The following HYCC1 variants were observed in gnomAD, a reference collection of about 807,000 sequenced individuals.
The protein encoded by HYCC1 is hyccin.
the HYCC1 span, among the ~76,000 whole-genome samples, chr7:23,000,016 C>A: frequency 6.6e-6 from 1 of 151,904 alleles, no homozygotes; most frequent in South Asian, 2.1e-4. Flanking sequence ...AAAAATTCCA[C>A]CAAGAAAGAA....
chr7:22,957,572 T>C, the HYCC1 span, among the ~76,000 whole-genome samples: 1 of 151,998 alleles, frequency 6.6e-6, no homozygotes, highest in African/African-American at 2.4e-5. Context: ...TTAAAGTTCA[T>C]GGTTCTCGTC....
At chr7:23,014,096 C>T in the HYCC1 span, 1 of 470,252 alleles carries the variant, frequency 2.1e-6, no homozygotes, top group Non-Finnish European at 4.4e-6. Context: ...ACTGACAACC[C>T]AGCCGGGAGA....
the HYCC1 span, among the ~76,000 whole-genome samples, chr7:22,927,887 G>C: frequency 3.3e-4 from 50 of 152,230 alleles, no homozygotes; most frequent in South Asian, 0.01. Flanking sequence ...AACCAAAAAA[G>C]AGAATTTTAG....
chr7:22,974,461 A>C, the HYCC1 span, among the ~76,000 whole-genome samples: 2 of 152,192 alleles, frequency 1.3e-5, no homozygotes, highest in South Asian at 4.1e-4. Context: ...AAAGCAAAAA[A>C]CATCTTAGAA....
chr7:22,899,717 A>G, the HYCC1 span, among the ~76,000 whole-genome samples: 1 of 152,250 alleles, frequency 6.6e-6, no homozygotes, highest in Non-Finnish European at 1.5e-5. Flanking sequence ...AAAATGTGTT[A>G]AGTCAAAGAT....
chr7:23,010,740 C>T, the HYCC1 span, among the ~76,000 whole-genome samples: 4 of 152,248 alleles, frequency 2.6e-5, no homozygotes, highest in African/African-American at 9.6e-5. Context: ...TATAGGGATT[C>T]CCTCTGGAAA....
the HYCC1 span, among the ~76,000 whole-genome samples, chr7:22,951,803 A>G: frequency 6.6e-6 from 1 of 151,944 alleles, no homozygotes; most frequent in African/African-American, 2.4e-5. Flanking sequence ...TAGGAGAACT[A>G]GGGAAAATGT....
chr7:22,925,057 T>C, the HYCC1 span, among the ~76,000 whole-genome samples: 2 of 152,298 alleles, frequency 1.3e-5, no homozygotes, highest in African/African-American at 2.4e-5. Context: ...CCGCTGCTGA[T>C]ACCCAGGCAA....
chr7:22,983,220 TG>T, the HYCC1 span, among the ~76,000 whole-genome samples: 1 of 151,094 alleles, frequency 6.6e-6, no homozygotes, highest in Admixed American at 6.6e-5. Flanking sequence ...TACCAGCTAT[TG>T]GGGGTGCTGA....
the HYCC1 span, among the ~76,000 whole-genome samples, chr7:22,899,555 T>G: frequency 1.3e-5 from 2 of 152,210 alleles, no homozygotes; most frequent in Admixed American, 1.3e-4. Flanking sequence ...TCATCAGTAA[T>G]GAGTAGCTGT....
the HYCC1 span, among the ~76,000 whole-genome samples, chr7:22,998,261 T>G: frequency 6.6e-6 from 1 of 152,184 alleles, no homozygotes; most frequent in Non-Finnish European, 1.5e-5. Context: ...CAACAGTTAC[T>G]GCTCTTGGAT....
the HYCC1 span, chr7:22,945,568 G>A: frequency 3.2e-6 from 5 of 1,550,506 alleles, no homozygotes; most frequent in African/African-American, 6.8e-5. Flanking sequence ...ACTAGGTTAT[G>A]GGAGAAAAAT....
chr7:22,909,594 C>A, the HYCC1 span, among the ~76,000 whole-genome samples: 4 of 152,152 alleles, frequency 2.6e-5, no homozygotes, highest in Admixed American at 6.5e-5. Context: ...TTCTGTGAAT[C>A]CTTCTAGCGG....
At chr7:22,970,400 T>C in the HYCC1 span, among the ~76,000 whole-genome samples, 3 of 152,250 alleles carry the variant, frequency 2.0e-5, no homozygotes, top group Non-Finnish European at 2.9e-5. Flanking sequence ...TCAACAGTTA[T>C]TGAGGTTCTA....
chr7:22,945,938 G>A, the HYCC1 span: 8 of 1,613,780 alleles, frequency 5.0e-6, no homozygotes, highest in East Asian at 8.9e-5. Flanking sequence ...TTGTTTTCGA[G>A]CAAAGTGATC....
chr7:22,918,597 C>G, the HYCC1 span, among the ~76,000 whole-genome samples: 2 of 152,124 alleles, frequency 1.3e-5, no homozygotes, highest in Non-Finnish European at 2.9e-5. Context: ...ATCCAGATGG[C>G]CTGAAGCAAA....
chr7:22,990,773 G>A, the HYCC1 span, among the ~76,000 whole-genome samples: 4 of 152,158 alleles, frequency 2.6e-5, no homozygotes, highest in Non-Finnish European at 4.4e-5. Flanking sequence ...ACTGATGGTC[G>A]CTGGAGAATG....
the HYCC1 span, among the ~76,000 whole-genome samples, chr7:23,012,511 T>C: frequency 6.6e-6 from 1 of 152,176 alleles, no homozygotes; most frequent in African/African-American, 2.4e-5. Context: ...TTCCTAAATA[T>C]GTGATGCTTT....
At chr7:22,943,994 T>C in the HYCC1 span, 3 of 152,188 alleles carry the variant, frequency 2.0e-5, no homozygotes, top group Non-Finnish European at 2.9e-5. Context: ...CCAAAGCAGT[T>C]GCAGTTAAAA....
Sources: allele counts gnomAD v4.1 joint callset (sites outside exome capture counted in the v4.1 genomes callset), GRCh38; gene constraint gnomAD v4.1.1; transcripts MANE v1.5; gene names NCBI Gene and HGNC (gene_info 2026-07-23, HGNC 2026-07-21).